Variants in ELP4 observed in about 807,000 individuals in gnomAD.
The protein encoded by ELP4 is elongator complex protein 4.
In ELP4, 51 loss-of-function variants were observed where a neutral mutation model predicts 48.9. The ratio of observed to expected loss-of-function variants is 1.04; its 90% CI spans 0.83 to 1.32. ELP4 has a LOEUF of 1.32. ELP4 is among the 40% of genes most tolerant of loss of function. The pLI is 0.00. For synonymous variants in ELP4, 210 were observed against 189.2 expected (o/e 1.11, Z -0.90); for missense variants, 519 against 514.6 (o/e 1.01, Z -0.08).
chr11:31,586,333 A>T (rs1035949248), intron 3 of ELP4, among the ~76,000 whole-genome samples: 1 of 152,238 alleles, frequency 6.6e-6, no homozygotes, highest in Non-Finnish European at 1.5e-5. Context: ...CTTGGAAATA[A>T]GGAAAAGGAG....
chr11:31,540,374 T>C (rs1463799837), intron 3 of ELP4, among the ~76,000 whole-genome samples: 1 of 152,200 alleles, frequency 6.6e-6, no homozygotes, highest in African/African-American at 2.4e-5. Flanking sequence ...AATCAGCAAA[T>C]TGGCTGATAA....
chr11:31,590,403 T>C (rs1438016993), intron 3 of ELP4, among the ~76,000 whole-genome samples: 3 of 152,078 alleles, frequency 2.0e-5, no homozygotes, highest in African/African-American at 7.2e-5. Context: ...CCTCACACAG[T>C]ATATAAAAAT....
intron 3 of ELP4, among the ~76,000 whole-genome samples, chr11:31,566,944 A>G (rs1211066632): frequency 6.6e-6 from 1 of 152,216 alleles, no homozygotes; most frequent in African/African-American, 2.4e-5. Flanking sequence ...GCTCATAGTC[A>G]TTGATATCCA....
intron 9 of ELP4, among the ~76,000 whole-genome samples, chr11:31,692,197 A>G (rs926892276): frequency 6.6e-6 from 1 of 152,166 alleles, no homozygotes; most frequent in Non-Finnish European, 1.5e-5. Flanking sequence ...GTCAAGTAGC[A>G]GTGTTTTGAT....
intron 9 of ELP4, among the ~76,000 whole-genome samples, chr11:31,729,147 T>A (rs1028843358): frequency 2.0e-5 from 3 of 152,216 alleles, no homozygotes; most frequent in Non-Finnish European, 4.4e-5. Flanking sequence ...TAGCTCATTT[T>A]AAAATGTGCT....
chr11:31,592,925 A>G (rs934011945), intron 3 of ELP4, among the ~76,000 whole-genome samples: 3 of 152,198 alleles, frequency 2.0e-5, no homozygotes, highest in African/African-American at 7.2e-5. Context: ...ATTTTCCACA[A>G]TAAGAGGACA....
chr11:31,662,685 T>G (rs1025553995), intron 9 of ELP4: 1 of 396,804 alleles, frequency 2.5e-6, no homozygotes, highest in African/African-American at 2.1e-5. Flanking sequence ...TGATAATGAT[T>G]TATACTCTTA....
At chr11:31,741,357 G>A (rs1189131725) in intron 9 of ELP4, among the ~76,000 whole-genome samples, 2 of 152,336 alleles carry the variant, frequency 1.3e-5, no homozygotes, top group East Asian at 3.9e-4. Context: ...AGTAACCTCT[G>A]CAGACGTAAA....
At chr11:31,660,678 A>C (rs1018095062) in intron 9 of ELP4, among the ~76,000 whole-genome samples, 8 of 152,236 alleles carry the variant, frequency 5.3e-5, no homozygotes, top group African/African-American at 1.9e-4. Context: ...AACCATATTT[A>C]AGTGTAGCAA....
In ELP4 at chr11:31,706,960, C is replaced by T. The variant is rs1946646719; in HGVS notation, c.1143+56739C>T. ...ATTATTCCATTGTGTATGTATACACCACATTTTCTTTATTCATCTTTTTTT... is the reference window on the plus strand; with the variant it reads ...ATTATTCCATTGTGTATGTATACACTACATTTTCTTTATTCATCTTTTTTT... On this transcript the variant is annotated intron_variant, in intron 9 of 9. Coordinates refer to ENST00000640961, the MANE Select transcript of ELP4 (RefSeq NM_019040.5). 1.8e-5 allele frequency: 7 copies of T among 398,044 alleles called. No individual in the cohort carries two copies. In the East Asian group the frequency reaches 2.5e-4, roughly 14 times the overall value. 24.7% of individuals were successfully genotyped at this position (398,044 alleles called of 1,614,324 possible).
chr11:31,789,912 CTTTTTTTTTT>C lies in ELP4; in HGVS notation c.*6402_*6411del. 9.6e-7 allele frequency: 1 copy of C among 1,046,002 alleles called. No homozygotes were observed. Among genetic ancestry groups the C allele is most frequent in the Non-Finnish European group, 1.4e-6 (1 of 725,932 alleles). 64.8% of individuals were successfully genotyped at this position (1,046,002 alleles called of 1,614,324 possible). A position where few individuals can be genotyped will look rare whatever the true frequency, so the allele number is the denominator to read the frequency against. Reference sequence around the variant, plus strand: ...CTGAATTAACACAATATTTCCTTTCCTTTTTTTTTTTTTTTTTTTTTTTACTGTAATCTTG... The same window carrying C: ...CTGAATTAACACAATATTTCCTTTCCTTTTTTTTTTTTTACTGTAATCTTG... On this transcript the variant is annotated 3_prime_UTR_variant, in exon 10 of 10. Transcript: ENST00000640961.
chr11:31,694,449 A>G (rs922742388), intron 9 of ELP4, among the ~76,000 whole-genome samples: 9 of 151,874 alleles, frequency 5.9e-5, no homozygotes, highest in African/African-American at 2.2e-4. Flanking sequence ...TTTTTGTCAG[A>G]TTTGTCAAAG....
At chr11:31,514,553 C>T (rs1386910352) in intron 1 of ELP4, among the ~76,000 whole-genome samples, 1 of 152,032 alleles carries the variant, frequency 6.6e-6, no homozygotes. Context: ...TAAACAAGGC[C>T]GTTTTACTAC....
At chr11:31,708,188 C>T (rs1044690257) in intron 9 of ELP4, among the ~76,000 whole-genome samples, 1 of 152,106 alleles carries the variant, frequency 6.6e-6, no homozygotes, top group Non-Finnish European at 1.5e-5. Flanking sequence ...CTTTTCAGCT[C>T]CCAGAGTAGT....
intron 5 of ELP4, among the ~76,000 whole-genome samples, chr11:31,610,419 A>T (rs1592156772): frequency 6.6e-6 from 1 of 152,138 alleles, no homozygotes; most frequent in South Asian, 2.1e-4. Context: ...ATACAAAAGT[A>T]TATTGCATCA....
At chr11:31,539,935 A>T in intron 3 of ELP4, 152 bp downstream of exon 3, 1 of 612,354 alleles carries the variant, frequency 1.6e-6, no homozygotes, top group Non-Finnish European at 2.4e-6. Flanking sequence ...AGTAAAAAGT[A>T]TCAAATTTAT....
intron 9 of ELP4, among the ~76,000 whole-genome samples, chr11:31,780,450 A>G (rs541219615): frequency 2.0e-5 from 3 of 152,310 alleles, no homozygotes; most frequent in Non-Finnish European, 2.9e-5. Flanking sequence ...GCAAAATCAC[A>G]CATAGATTCA....
chr11:31,539,886 T>G, intron 3 of ELP4, 103 bp downstream of exon 3: 1 of 868,258 alleles, frequency 1.2e-6, no homozygotes, highest in Non-Finnish European at 1.6e-6. Context: ...CAAACTATAT[T>G]TAAATGCATT....
intron 4 of ELP4, among the ~76,000 whole-genome samples, chr11:31,598,648 A>G (rs1427237593): frequency 6.6e-6 from 1 of 151,088 alleles, no homozygotes; most frequent in Non-Finnish European, 1.5e-5. Context: ...TGAGACCACA[A>G]GTGCATGCCA....
Sources: gnomAD v4.1 joint callset for allele counts (sites outside exome capture counted in the v4.1 genomes callset) on GRCh38, gnomAD v4.1.1 for gene constraint, MANE v1.5 for transcripts, NCBI Gene and HGNC (gene_info 2026-07-23, HGNC 2026-07-21) for gene names.